Variants in PLEKHA2 observed in about 807,000 individuals in gnomAD.
PLEKHA2 encodes the protein pleckstrin homology domain-containing family A member 2.
Under a neutral mutation model 53.2 loss-of-function variants are expected in PLEKHA2, and 28 were observed. That is an observed-to-expected ratio of 0.53 (90% CI 0.39 to 0.72). The LOEUF (loss-of-function observed/expected upper bound fraction) is 0.72. PLEKHA2 is among the 30% of genes least tolerant of loss of function. The pLI, the probability that PLEKHA2 is intolerant of heterozygous loss-of-function variation, is 0.00. For synonymous variants in PLEKHA2, 193 were observed against 196.4 expected (o/e 0.98, Z 0.14); for missense variants, 426 against 537.9 (o/e 0.79, Z 2.06).
chr8:38,923,893 C>T (rs377477476), intron 2 of PLEKHA2, among the ~76,000 whole-genome samples: 4 of 152,030 alleles, frequency 2.6e-5, no homozygotes, highest in Admixed American at 1.3e-4. Context: ...ACTCTGTTGC[C>T]GAGGATCCAG....
intron 7 of PLEKHA2, 27 bp from the exon 8 acceptor site, chr8:38,952,608 TG>T: frequency 6.3e-7 from 1 of 1,598,510 alleles, no homozygotes. Flanking sequence ...CTCTCGCTAA[TG>T]GTCTGCCTTT....
At chr8:38,961,938 C>T (rs898034273) in intron 10 of PLEKHA2, among the ~76,000 whole-genome samples, 1 of 152,170 alleles carries the variant, frequency 6.6e-6, no homozygotes, top group East Asian at 1.9e-4. Flanking sequence ...ACCTAGATGT[C>T]CCAGGCATAG....
rs188781942 is a variant in PLEKHA2, at chr8:38,904,837, A to G, written c.-24+3392A>G. On this transcript the variant is annotated intron_variant, in intron 1 of 11. Transcript: ENST00000617275. ...CAGTGTTAAGCAACTTTGCAGTAGT[A>G]ATGATGACCATGTACTCCTTGTTAG... 9.8e-5 allele frequency among the ~76,000 whole-genome samples: 15 copies of G among 152,348 alleles called. No individual in the cohort carries two copies. The East Asian group carries it at 2.7e-3, about 27-fold the overall frequency.
At chr8:38,917,477 A>G (rs371889608) in intron 1 of PLEKHA2, among the ~76,000 whole-genome samples, 2 of 152,354 alleles carry the variant, frequency 1.3e-5, no homozygotes, top group East Asian at 3.9e-4. Flanking sequence ...CTGTTCAGGA[A>G]GTGCTTACTG....
rs1377322657 is a variant in PLEKHA2, at chr8:38,971,370, G to C, written c.*1587G>C. Reference sequence around the variant, plus strand: ...GCCCTCAGAAATTCTTGGTTTGGGAGTTATGTATTTTTGAGTGATCGAGGT... The same window carrying C: ...GCCCTCAGAAATTCTTGGTTTGGGACTTATGTATTTTTGAGTGATCGAGGT... On this transcript the variant is annotated 3_prime_UTR_variant, in exon 12 of 12. Coordinates refer to ENST00000617275, the MANE Select transcript of PLEKHA2 (RefSeq NM_021623.2). 6.5e-6 allele frequency: 1 copy of C among 153,330 alleles called. No individual in the cohort carries two copies. The highest frequency in any genetic ancestry group is 1.5e-5 in the Non-Finnish European group (1 of 68,230). 9.5% of individuals were successfully genotyped at this position (153,330 alleles called of 1,614,324 possible). A position where few individuals can be genotyped will look rare whatever the true frequency, so the allele number is the denominator to read the frequency against.
chr8:38,902,260 A>T (rs1223184873), intron 1 of PLEKHA2, among the ~76,000 whole-genome samples: 2 of 151,808 alleles, frequency 1.3e-5, no homozygotes, highest in Non-Finnish European at 2.9e-5. Flanking sequence ...TAGAAGGGAA[A>T]AGTGTCCCTG....
At chr8:38,938,457 C>G (rs1433426207) in intron 3 of PLEKHA2, among the ~76,000 whole-genome samples, 1 of 152,178 alleles carries the variant, frequency 6.6e-6, no homozygotes, top group Non-Finnish European at 1.5e-5. Flanking sequence ...GTTTTGCTGC[C>G]ACTGCTTCTG....
At chr8:38,906,073 A>C (rs1177509593) in intron 1 of PLEKHA2, among the ~76,000 whole-genome samples, 1 of 152,260 alleles carries the variant, frequency 6.6e-6, no homozygotes, top group Non-Finnish European at 1.5e-5. Context: ...TGAAGATTAG[A>C]GTTCCAGGAC....
At chr8:38,959,645 T>A (rs73674664) in intron 10 of PLEKHA2, among the ~76,000 whole-genome samples, 3,455 of 152,216 alleles carry the variant, frequency 0.023, 149 homozygotes, top group African/African-American at 0.079. Flanking sequence ...GAGAGAACAG[T>A]TTGAAGGCTG....
At chr8:38,933,080 G>A (rs73674635) in intron 2 of PLEKHA2, among the ~76,000 whole-genome samples, 6,053 of 152,274 alleles carry the variant, frequency 0.04, 414 homozygotes, top group African/African-American at 0.14. Flanking sequence ...GTTTTTCCAT[G>A]TGGGTTAGTG....
At chr8:38,902,402 A>G (rs1407861686) in intron 1 of PLEKHA2, among the ~76,000 whole-genome samples, 2 of 151,986 alleles carry the variant, frequency 1.3e-5, no homozygotes, top group Non-Finnish European at 2.9e-5. Context: ...CAGGTTCAGG[A>G]TGTATCTTCC....
At chr8:38,947,207 CT>C (rs1834731815) in intron 5 of PLEKHA2, among the ~76,000 whole-genome samples, 1 of 152,212 alleles carries the variant, frequency 6.6e-6, no homozygotes, top group Admixed American at 6.5e-5. Context: ...GGTGCAGTGG[CT>C]CACGCTTGTA....
In PLEKHA2 at chr8:38,969,801, G is replaced by A. The variant is rs1413807373; in HGVS notation, c.*18G>A. 2 of 1,515,058 alleles carry A rather than the reference G, an allele frequency of 1.3e-6. No individual in the cohort carries two copies. Among genetic ancestry groups the A allele is most frequent in the Admixed American group, 2.2e-5 (1 of 45,416 alleles). The allele number at this position is 1,515,058 out of a possible 1,614,324, so 93.9% of individuals were successfully genotyped here. A position where few individuals can be genotyped will look rare whatever the true frequency, so the allele number is the denominator to read the frequency against. On this transcript the variant is annotated 3_prime_UTR_variant, in exon 12 of 12. Coordinates refer to ENST00000617275, the MANE Select transcript of PLEKHA2 (RefSeq NM_021623.2). ...ATGTGTGATGGAGCACAGTGCCATG[G>A]GAGGGAGGGAGGGAGGGAGGACTTG...
chr8:38,924,856 G>C (rs1010842632), intron 2 of PLEKHA2, among the ~76,000 whole-genome samples: 2 of 152,174 alleles, frequency 1.3e-5, no homozygotes, highest in Non-Finnish European at 2.9e-5. Context: ...ATGAATCAAG[G>C]CTTCTCGTAC....
chr8:38,907,062 C>A (rs1171033963), intron 1 of PLEKHA2, among the ~76,000 whole-genome samples: 1 of 152,172 alleles, frequency 6.6e-6, no homozygotes, highest in Non-Finnish European at 1.5e-5. Context: ...AAGCTGCTGC[C>A]TGCAGCTTCT....
chr8:38,918,423 CACACACA>C (rs1834104126), intron 2 of PLEKHA2, among the ~76,000 whole-genome samples: 38 of 145,168 alleles, frequency 2.6e-4, no homozygotes, highest in South Asian at 4.4e-4. Context: ...ATACACACAC[CACACACA>C]CCATACACAC....
chr8:38,942,278 C>A (rs572689881), intron 3 of PLEKHA2, among the ~76,000 whole-genome samples: 2 of 152,160 alleles, frequency 1.3e-5, no homozygotes, highest in African/African-American at 4.8e-5. Context: ...GTGGTACACA[C>A]CTGTAGTCTA....
At position 38,972,075 on chromosome 8, in the gene PLEKHA2, G is replaced by GT. The variant is rs1339778571; in HGVS notation, c.*2293dup. ...ATTAAACATACATAGAATCCATATG[G>GT]TATTATCCTGATAAAGGGAAACGAG... On this transcript the variant is annotated 3_prime_UTR_variant, in exon 12 of 12. Coordinates refer to ENST00000617275, the MANE Select transcript of PLEKHA2 (RefSeq NM_021623.2). 4 of 152,190 alleles carry GT rather than the reference G, an allele frequency of 2.6e-5. No homozygotes were observed. The highest frequency in any genetic ancestry group is 9.7e-5 in the African/African-American group (4 of 41,450). 9.4% of individuals were successfully genotyped at this position (152,190 alleles called of 1,614,324 possible).
rs1835220968 is a variant in PLEKHA2 at position 38,970,154 on chromosome 8, G to A, written c.*371G>A. ...GAAGTCCAGTTTCACCAATGACCAA[G>A]TTTTATTTCCTTGTCCTTGTTTTAG... On this transcript the variant is annotated 3_prime_UTR_variant, in exon 12 of 12. Transcript: ENST00000617275. 2.3e-6 allele frequency: 1 copy of A among 437,380 alleles called. No homozygotes were observed. Among genetic ancestry groups the A allele is most frequent in the Non-Finnish European group, 4.0e-6 (1 of 252,416 alleles). The allele number at this position is 437,380 out of a possible 1,614,324, so 27.1% of individuals were successfully genotyped here. A position where few individuals can be genotyped will look rare whatever the true frequency, so the allele number is the denominator to read the frequency against.
Sources: gnomAD v4.1 joint callset for allele counts (sites outside exome capture counted in the v4.1 genomes callset) on GRCh38, gnomAD v4.1.1 for gene constraint, MANE v1.5 for transcripts, NCBI Gene and HGNC (gene_info 2026-07-23, HGNC 2026-07-21) for gene names.